KLHL29: variants seen among roughly 807,000 people sequenced by gnomAD.
KLHL29 encodes the protein kelch-like protein 29.
In KLHL29, 21 loss-of-function variants were observed where a neutral mutation model predicts 80.4. The observed-to-expected ratio is 0.26, with a 90% CI of 0.19 to 0.38. The LOEUF is 0.38. Ranked by LOEUF, KLHL29 falls within the 10% of genes least tolerant of loss-of-function variation. The pLI is 1.00. For missense variants in KLHL29, 867 were observed against 1,223.9 expected (o/e 0.71, Z 4.35); for synonymous variants, 511 against 526.8 (o/e 0.97, Z 0.41).
At chr2:23,497,561 C>T (rs1665306317) in intron 2 of KLHL29, among the ~76,000 whole-genome samples, 1 of 152,154 alleles carries the variant, frequency 6.6e-6, no homozygotes, top group Non-Finnish European at 1.5e-5. Flanking sequence ...CTCACCTCCA[C>T]CCAGAGAGGC....
At chr2:23,597,309 A>ATGTGTGTG (rs1217422868) in intron 3 of KLHL29, among the ~76,000 whole-genome samples, 1,214 of 100,458 alleles carry the variant, frequency 0.012, 14 homozygotes, top group South Asian at 0.028. Flanking sequence ...ATATATATAT[A>ATGTGTGTG]TGTGTGTGTG....
At chr2:23,549,089 C>T (rs1478075856) in intron 2 of KLHL29, among the ~76,000 whole-genome samples, 3 of 152,216 alleles carry the variant, frequency 2.0e-5, no homozygotes, top group Non-Finnish European at 2.9e-5. Flanking sequence ...CATTCATCAG[C>T]GTCCCCGCCT....
chr2:23,481,132 TCA>T (rs1664786674), intron 2 of KLHL29, among the ~76,000 whole-genome samples: 1 of 152,216 alleles, frequency 6.6e-6, no homozygotes, highest in African/African-American at 2.4e-5. Context: ...ATCTGTGAGA[TCA>T]CAGTCAGTCT....
At chr2:23,434,044 G>C (rs115889752) in intron 1 of KLHL29, among the ~76,000 whole-genome samples, 4 of 152,122 alleles carry the variant, frequency 2.6e-5, no homozygotes, top group Non-Finnish European at 4.4e-5. Context: ...GGCTCCGGCC[G>C]GGCGCGGTGG....
In KLHL29 at chr2:23,647,232, C is replaced by T. The variant is rs1362362771; in HGVS notation, c.940+4382C>T. 6.6e-6 allele frequency among the ~76,000 whole-genome samples: 1 copy of T among 152,184 alleles called. No homozygotes were observed. The highest frequency in any genetic ancestry group is 6.5e-5 in the Admixed American group (1 of 15,284). ...TGGCACTGATCTCATCTCTCCTTGC[C>T]CCACACTCTGACATGTCCAGGGCAC... On this transcript the variant is annotated intron_variant, in intron 5 of 13. Coordinates refer to ENST00000486442, the MANE Select transcript of KLHL29 (RefSeq NM_052920.2). This position sits in a 1 kb window ranked among gnomAD's most constrained non-coding sequence, Gnocchi z 4.9.
chr2:23,513,593 A>G (rs1178548359), intron 2 of KLHL29, among the ~76,000 whole-genome samples: 2 of 152,208 alleles, frequency 1.3e-5, no homozygotes, highest in Non-Finnish European at 2.9e-5. Flanking sequence ...AGTACTAACT[A>G]AGGCCTGAGC....
chr2:23,668,404 C>T lies in KLHL29; in HGVS notation c.941-15995C>T, dbSNP rs113947309. ...AGTGAGAGCTTTTCGGAGTGGGGAGCAAGTCCATGACTGCCCCCACCCCAG... is the reference window on the plus strand; with the variant it reads ...AGTGAGAGCTTTTCGGAGTGGGGAGTAAGTCCATGACTGCCCCCACCCCAG... On this transcript the variant is annotated intron_variant, in intron 5 of 13. Coordinates refer to ENST00000486442, the MANE Select transcript of KLHL29 (RefSeq NM_052920.2). 226 of 152,290 alleles carry T rather than the reference C, an allele frequency of 1.5e-3. 1 individual carries two copies. The highest frequency in any genetic ancestry group is 2.3e-3 in the South Asian group (11 of 4,824). The allele number at this position is 152,290 out of a possible 1,614,324, so 9.4% of individuals were successfully genotyped here.
intron 2 of KLHL29, chr2:23,507,144 CT>C: frequency 2.3e-6 from 1 of 435,668 alleles, no homozygotes; most frequent in South Asian, 1.6e-5. Flanking sequence ...GTGTGCCCAG[CT>C]GTTGGTGGCG....
chr2:23,495,539 G>A (rs971761697), intron 2 of KLHL29, among the ~76,000 whole-genome samples: 1 of 152,188 alleles, frequency 6.6e-6, no homozygotes, highest in Non-Finnish European at 1.5e-5. Flanking sequence ...GGGTATAACA[G>A]TCAACCCTGC....
At chr2:23,530,154 T>A (rs1666448526) in intron 2 of KLHL29, among the ~76,000 whole-genome samples, 1 of 152,246 alleles carries the variant, frequency 6.6e-6, no homozygotes, top group African/African-American at 2.4e-5. Context: ...GAGGCAGGGC[T>A]GGCTCTAGTA....
chr2:23,487,758 G>A (rs1298735586), intron 2 of KLHL29, among the ~76,000 whole-genome samples: 4 of 152,306 alleles, frequency 2.6e-5, no homozygotes, highest in Non-Finnish European at 2.9e-5. Context: ...AAGGCCCATA[G>A]TCATGAAGGT....
intron 3 of KLHL29, among the ~76,000 whole-genome samples, chr2:23,633,859 G>A (rs568925891): frequency 2.0e-5 from 3 of 152,010 alleles, no homozygotes; most frequent in African/African-American, 7.2e-5. Flanking sequence ...CAGGAGCCCC[G>A]TGGCCTGCAT....
chr2:23,477,779 A>G (rs1308462145), intron 2 of KLHL29, among the ~76,000 whole-genome samples: 1 of 152,234 alleles, frequency 6.6e-6, no homozygotes, highest in Non-Finnish European at 1.5e-5. Context: ...ACACGGGGCA[A>G]AGAAAAGATT....
In KLHL29 at chr2:23,647,072, T is replaced by A. The variant is rs979378941; in HGVS notation, c.940+4222T>A. On this transcript the variant is annotated intron_variant, in intron 5 of 13. Transcript: ENST00000486442. This position sits in a 1 kb window ranked among gnomAD's most constrained non-coding sequence, Gnocchi z 4.9. ...GCGCAGAGGAGATGGAAGAAGCCCA[T>A]GCTTGTCCACAGGGCTGGCAATCCC... Among the ~76,000 whole-genome samples the A allele has an allele frequency of 2.0e-5, 3 of 152,200 alleles. No individual in the cohort carries two copies. Among genetic ancestry groups the A allele is most frequent in the East Asian group, 3.9e-4 (2 of 5,186 alleles).
intron 2 of KLHL29, among the ~76,000 whole-genome samples, chr2:23,495,699 A>G (rs1052466632): frequency 1.3e-5 from 2 of 152,106 alleles, no homozygotes; most frequent in Non-Finnish European, 2.9e-5. Flanking sequence ...CCCTCCTGGC[A>G]TCGTGTCAGG....
chr2:23,441,233 A>G (rs920651935), intron 1 of KLHL29, among the ~76,000 whole-genome samples: 4 of 151,406 alleles, frequency 2.6e-5, no homozygotes, highest in African/African-American at 9.7e-5. Context: ...ACAAAGTCAA[A>G]AAACCAAACA....
intron 1 of KLHL29, among the ~76,000 whole-genome samples, chr2:23,403,762 T>C (rs886770387): frequency 1.8e-4 from 27 of 150,832 alleles, no homozygotes; most frequent in African/African-American, 5.4e-4. Context: ...TGTGTGTGTG[T>C]GTGCAGGCGC....
At chr2:23,603,651 T>C (rs1320595946) in intron 3 of KLHL29, among the ~76,000 whole-genome samples, 3 of 152,224 alleles carry the variant, frequency 2.0e-5, no homozygotes, top group Admixed American at 6.5e-5. Flanking sequence ...CCTCGGGTGC[T>C]GGAGCCCAGG....
At chr2:23,413,563 A>G (rs1228032427) in intron 1 of KLHL29, among the ~76,000 whole-genome samples, 1 of 152,122 alleles carries the variant, frequency 6.6e-6, no homozygotes, top group East Asian at 1.9e-4. Flanking sequence ...CCCTCTCCCA[A>G]TGCCTCTCTA....
Sources: allele counts gnomAD v4.1 joint callset (sites outside exome capture counted in the v4.1 genomes callset), GRCh38; gene constraint gnomAD v4.1.1; non-coding constraint Gnocchi (gnomAD v3.1); transcripts MANE v1.5; gene names NCBI Gene and HGNC (gene_info 2026-07-23, HGNC 2026-07-21).